The following KCND3 variants were observed in gnomAD, a reference collection of about 807,000 sequenced individuals.
The protein encoded by KCND3 is potassium voltage-gated channel subfamily D member 3.
In KCND3, 9 loss-of-function variants were observed where a neutral mutation model predicts 51.1. The ratio of observed to expected loss-of-function variants is 0.18; its 90% CI spans 0.11 to 0.31. The LOEUF (loss-of-function observed/expected upper bound fraction) is 0.31. KCND3 is among the 10% of genes least tolerant of loss of function. KCND3 has a pLI of 1.00. For missense variants in KCND3, 526 were observed against 903.8 expected (o/e 0.58, Z 5.36); for synonymous variants, 349 against 368.0 (o/e 0.95, Z 0.59).
intron 2 of KCND3, among the ~76,000 whole-genome samples, chr1:111,788,669 G>T (rs1338085065): frequency 6.6e-6 from 1 of 152,178 alleles, no homozygotes; most frequent in Admixed American, 6.5e-5. Context: ...GATCTTTGCA[G>T]CTAGGGTTGT....
rs374809927 is a variant in KCND3 at position 111,982,059 on chromosome 1, G to A, written c.668C>T (p.Ser223Leu). Residue 223 changes from serine to leucine, a missense_variant, in exon 2 of 8, where the codon TCG becomes TTG. Coordinates refer to ENST00000302127, the MANE Select transcript of KCND3 (RefSeq NM_001378969.1). The surrounding 1 kb of genome is among the most constrained non-coding windows in gnomAD (Gnocchi z 8.5). ...CGTGTCCAGGCAGAAGAAGGCCACC[G>A]AGTAGCGCTCCCCGCACGGCAGCTC... Reference protein sequence around the residue: ...SKELPCGERYSVAFFCLDTAC... With the variant: ...SKELPCGERYLVAFFCLDTAC... 6.2e-7 allele frequency: 1 copy of A among 1,613,736 alleles called. No individual in the cohort carries two copies.
rs142238842 is a variant in KCND3 at position 111,903,286 on chromosome 1, G to C, written c.1106+78335C>G. 1.9e-3 allele frequency among the ~76,000 whole-genome samples: 285 copies of C among 152,330 alleles called. 3 individuals are homozygous for C. Among genetic ancestry groups the C allele is most frequent in the African/African-American group, 6.5e-3 (272 of 41,558 alleles). ...ACTTACTATCTCCAGGCTAAAGTTA[G>C]AGCAGGAAAGGCTGAGCAGGTGGGA... On this transcript the variant is annotated intron_variant, in intron 2 of 7. Transcript: ENST00000302127.
chr1:111,938,188 A>T (rs1672312693), intron 2 of KCND3, among the ~76,000 whole-genome samples: 1 of 152,184 alleles, frequency 6.6e-6, no homozygotes, highest in Admixed American at 6.5e-5. Context: ...CATTTTACAG[A>T]CAGTGACATC....
chr1:111,867,778 T>C (rs965326330), intron 2 of KCND3, among the ~76,000 whole-genome samples: 1 of 152,238 alleles, frequency 6.6e-6, no homozygotes, highest in Non-Finnish European at 1.5e-5. Flanking sequence ...TTTGATTATT[T>C]GGAAGGAACT....
chr1:111,966,603 C>T (rs2101947111), intron 2 of KCND3, among the ~76,000 whole-genome samples: 1 of 152,308 alleles, frequency 6.6e-6, no homozygotes, highest in East Asian at 1.9e-4. Flanking sequence ...TCTTCCAGGG[C>T]TGGGCCTGGG....
chr1:111,961,977 C>T (rs915902801), intron 2 of KCND3, among the ~76,000 whole-genome samples: 2 of 152,154 alleles, frequency 1.3e-5, no homozygotes, highest in Admixed American at 1.3e-4. Flanking sequence ...GCTGGCACGC[C>T]ATCTGGTATT....
intron 2 of KCND3, among the ~76,000 whole-genome samples, chr1:111,888,753 AAGAC>A (rs1300722183): frequency 6.6e-6 from 1 of 152,046 alleles, no homozygotes; most frequent in Non-Finnish European, 1.5e-5. Context: ...GAGAAACCCA[AAGAC>A]AGACAGAAAC....
chr1:111,909,976 G>A (rs1670852274), intron 2 of KCND3: 1 of 152,252 alleles, frequency 6.6e-6, no homozygotes, highest in African/African-American at 2.4e-5. Flanking sequence ...CCACTGCAGT[G>A]TCTCCCTATC....
chr1:111,799,481 C>T (rs2101540264), intron 2 of KCND3, among the ~76,000 whole-genome samples: 1 of 152,340 alleles, frequency 6.6e-6, no homozygotes, highest in East Asian at 1.9e-4. Context: ...CTTAAACCAA[C>T]TGGTTATTCT....
intron 2 of KCND3, among the ~76,000 whole-genome samples, chr1:111,872,462 T>G (rs526970): frequency 0.19 from 29,337 of 152,206 alleles, 3,968 homozygotes; most frequent in East Asian, 0.53. Flanking sequence ...ATTAACATTC[T>G]ATGGAACAAT....
At chr1:111,974,386 A>C (rs1367452420) in intron 2 of KCND3, among the ~76,000 whole-genome samples, 3 of 148,558 alleles carry the variant, frequency 2.0e-5, no homozygotes, top group Non-Finnish European at 4.5e-5. Context: ...AAAAAAAAAA[A>C]CTTGGACATC....
At chr1:111,784,132 C>CACACACACACACAT (rs1664509074) in intron 3 of KCND3, among the ~76,000 whole-genome samples, 1 of 151,748 alleles carries the variant, frequency 6.6e-6, no homozygotes, top group East Asian at 1.9e-4. Flanking sequence ...CACACACACA[C>CACACACACACACAT]ACACACACAC....
rs1664073826 is a variant in KCND3 at position 111,775,756 on chromosome 1, T to C, written c.*321A>G. 2.3e-6 allele frequency: 1 copy of C among 429,882 alleles called. No individual in the cohort carries two copies. Among genetic ancestry groups the C allele is most frequent in the Non-Finnish European group, 4.4e-6 (1 of 229,416 alleles). 26.6% of individuals were successfully genotyped at this position (429,882 alleles called of 1,614,324 possible). A position where few individuals can be genotyped will look rare whatever the true frequency, so the allele number is the denominator to read the frequency against. On this transcript the variant is annotated 3_prime_UTR_variant, in exon 8 of 8. Coordinates refer to ENST00000302127, the MANE Select transcript of KCND3 (RefSeq NM_001378969.1). ...AGAAACGACTGTTATTTGGTCTGAG[T>C]CTGAGGCTCCTCCATCCAGGCCCTG...
chr1:111,979,738 G>T (rs1674835597), intron 2 of KCND3, among the ~76,000 whole-genome samples: 1 of 152,218 alleles, frequency 6.6e-6, no homozygotes, highest in Admixed American at 6.5e-5. Flanking sequence ...TTGCAGGGCT[G>T]TTGTAAAAAC....
intron 2 of KCND3, among the ~76,000 whole-genome samples, chr1:111,940,305 C>G (rs1249944728): frequency 2.0e-5 from 3 of 151,864 alleles, no homozygotes; most frequent in Admixed American, 6.6e-5. Context: ...CTTGCCCATG[C>G]CTATGTCCTG....
At chr1:111,855,860 G>C (rs1297116409) in intron 2 of KCND3, among the ~76,000 whole-genome samples, 1 of 152,200 alleles carries the variant, frequency 6.6e-6, no homozygotes, top group Non-Finnish European at 1.5e-5. Flanking sequence ...TAGGCTAACT[G>C]GATGAGGGGA....
intron 2 of KCND3, among the ~76,000 whole-genome samples, chr1:111,945,493 G>A (rs1672736471): frequency 6.6e-6 from 1 of 152,236 alleles, no homozygotes; most frequent in Admixed American, 6.5e-5. Flanking sequence ...ACAATCCCAC[G>A]AAGCAGGCAC....
At position 111,972,506 on chromosome 1, in the gene KCND3, A is replaced by C. The variant is rs1395872954; in HGVS notation, c.1106+9115T>G. Among the ~76,000 whole-genome samples, 5 of 152,324 alleles carry C rather than the reference A, an allele frequency of 3.3e-5. No individual in the cohort carries two copies. The South Asian group carries it at 1.0e-3, about 32-fold the overall frequency. Reference sequence around the variant, plus strand: ...ATATCTTAAACACTAGCAAACCAGCATATTAGTTAAGCTTCCCAAACATCA... The same window carrying C: ...ATATCTTAAACACTAGCAAACCAGCCTATTAGTTAAGCTTCCCAAACATCA... On this transcript the variant is annotated intron_variant, in intron 2 of 7. Transcript: ENST00000302127.
chr1:111,854,493 A>G (rs1399260341), intron 2 of KCND3, among the ~76,000 whole-genome samples: 2 of 152,124 alleles, frequency 1.3e-5, no homozygotes, highest in African/African-American at 4.8e-5. Flanking sequence ...AGAGGCAGAA[A>G]GGCAGAAACC....
Sources: allele counts gnomAD v4.1 joint callset (sites outside exome capture counted in the v4.1 genomes callset), GRCh38; gene constraint gnomAD v4.1.1; non-coding constraint Gnocchi (gnomAD v3.1); transcripts MANE v1.5; gene names NCBI Gene and HGNC (gene_info 2026-07-23, HGNC 2026-07-21).